KAZN: variants seen among roughly 807,000 people sequenced by gnomAD.
KAZN encodes the protein kazrin, periplakin interacting protein.
In KAZN, 40 loss-of-function variants were observed where a neutral mutation model predicts 87.4. The observed-to-expected ratio is 0.46, with a 90% CI of 0.36 to 0.60. The LOEUF is 0.60. Ranked by LOEUF, KAZN falls within the 20% of genes least tolerant of loss-of-function variation. KAZN has a pLI of 0.00. For synonymous variants in KAZN, 466 were observed against 458.3 expected (o/e 1.02, Z -0.22); for missense variants, 898 against 1,073.9 (o/e 0.84, Z 2.29).
intron 1 of KAZN, among the ~76,000 whole-genome samples, chr1:14,039,504 G>A (rs1388830019): frequency 3.9e-5 from 6 of 152,304 alleles, no homozygotes; most frequent in Non-Finnish European, 7.3e-5. Flanking sequence ...CACATGAGTC[G>A]GCAGTGGGCT....
chr1:14,421,803 A>G (rs1021785491), intron 2 of KAZN, among the ~76,000 whole-genome samples: 4 of 152,038 alleles, frequency 2.6e-5, no homozygotes, highest in African/African-American at 9.7e-5. Flanking sequence ...TCACCTTTCA[A>G]AACCCTGACA....
intron 2 of KAZN, among the ~76,000 whole-genome samples, chr1:14,359,426 C>G (rs1178083032): frequency 6.6e-6 from 1 of 152,088 alleles, no homozygotes; most frequent in East Asian, 1.9e-4. Flanking sequence ...AGGCATTTAG[C>G]CCATTTACAT....
rs70997127 is a variant in KAZN at position 14,255,140 on chromosome 1, A to AT, written c.249+74548_249+74549insT. The stretch of plus-strand genomic sequence containing the variant: ...GTCTCAAAAAAAAAAAAAAAAAAAA[A>AT]GAAGAAGAAGAAGAAGAAAGGGGAG... On this transcript the variant is annotated intron_variant, in intron 2 of 16. Coordinates refer to the KAZN transcript ENST00000636203. 3.2e-4 allele frequency among the ~76,000 whole-genome samples: 38 copies of AT among 117,004 alleles called. No homozygotes were observed. In the South Asian group the frequency reaches 4.4e-3, roughly 13 times the overall value. 76.8% of individuals were successfully genotyped at this position (117,004 alleles called of 152,430 possible). A position where few individuals can be genotyped will look rare whatever the true frequency, so the allele number is the denominator to read the frequency against.
intron 1 of KAZN, among the ~76,000 whole-genome samples, chr1:13,987,130 G>A (rs983044255): frequency 2.6e-5 from 4 of 152,148 alleles, no homozygotes; most frequent in African/African-American, 9.7e-5. Flanking sequence ...TATGACAGGA[G>A]AGACTTTTTT....
intron 1 of KAZN, among the ~76,000 whole-genome samples, chr1:13,944,739 T>G (rs59942785): frequency 0.032 from 4,808 of 152,192 alleles, 229 homozygotes; most frequent in African/African-American, 0.11. Context: ...AATGTGTAAT[T>G]AAAAAGCTAC....
chr1:14,963,688 A>C (rs1664142240), intron 2 of KAZN, among the ~76,000 whole-genome samples: 1 of 152,242 alleles, frequency 6.6e-6, no homozygotes, highest in Non-Finnish European at 1.5e-5. Flanking sequence ...GGTTTGTTGC[A>C]TAGGTATATG....
At chr1:15,085,485 G>T (rs962985572) in intron 8 of KAZN, among the ~76,000 whole-genome samples, 1 of 152,072 alleles carries the variant, frequency 6.6e-6, no homozygotes, top group Non-Finnish European at 1.5e-5. Flanking sequence ...CTGCCACCAC[G>T]CCCAGCTAAT....
At chr1:15,064,850 C>G (rs1639095412) in intron 7 of KAZN, among the ~76,000 whole-genome samples, 1 of 152,204 alleles carries the variant, frequency 6.6e-6, no homozygotes, top group Non-Finnish European at 1.5e-5. Flanking sequence ...GCATCGTGGA[C>G]ATGACCACAG....
intron 1 of KAZN, among the ~76,000 whole-genome samples, chr1:14,814,493 C>T (rs1054468249): frequency 3.9e-5 from 6 of 152,314 alleles, no homozygotes; most frequent in Admixed American, 2.6e-4. Context: ...GGATTGCAGG[C>T]GTGAGCCACT....
intron 2 of KAZN, among the ~76,000 whole-genome samples, chr1:14,972,556 C>T (rs1387054631): frequency 6.6e-6 from 1 of 151,472 alleles, no homozygotes; most frequent in African/African-American, 2.4e-5. Context: ...ACTCTTGTCG[C>T]CTAGGCTAGA....
chr1:15,087,736 A>G (rs1170751638), intron 8 of KAZN, among the ~76,000 whole-genome samples: 1 of 152,222 alleles, frequency 6.6e-6, no homozygotes, highest in African/African-American at 2.4e-5. Flanking sequence ...TTCTGTAGGC[A>G]CATGTGGCTT....
At chr1:14,915,476 G>A (rs1657706493) in intron 1 of KAZN, among the ~76,000 whole-genome samples, 1 of 152,142 alleles carries the variant, frequency 6.6e-6, no homozygotes, top group African/African-American at 2.4e-5. Flanking sequence ...GGTGAACATA[G>A]TGTCACGATT....
At chr1:14,638,350 C>A (rs1419010370) in intron 1 of KAZN, among the ~76,000 whole-genome samples, 1 of 152,194 alleles carries the variant, frequency 6.6e-6, no homozygotes, top group East Asian at 1.9e-4. Context: ...GGGCGGATCA[C>A]CTGAGGTCAG....
intron 2 of KAZN, among the ~76,000 whole-genome samples, chr1:14,507,434 T>C (rs577314617): frequency 2.0e-3 from 297 of 152,236 alleles, no homozygotes; most frequent in African/African-American, 6.7e-3. Flanking sequence ...AACATAAACA[T>C]TAGTTTCTAT....
intron 2 of KAZN, among the ~76,000 whole-genome samples, chr1:14,468,002 T>G (rs2148363482): frequency 6.6e-6 from 1 of 152,292 alleles, no homozygotes; most frequent in South Asian, 2.1e-4. Context: ...TTGGCTTAGC[T>G]TCTTCTGACC....
intron 1 of KAZN, among the ~76,000 whole-genome samples, chr1:14,655,205 C>T (rs1638710039): frequency 6.6e-6 from 1 of 152,152 alleles, no homozygotes; most frequent in African/African-American, 2.4e-5. Flanking sequence ...CTCCAACCCC[C>T]TTCCTCTATC....
intron 2 of KAZN, among the ~76,000 whole-genome samples, chr1:14,183,383 C>A (rs1646239224): frequency 6.6e-6 from 1 of 152,128 alleles, no homozygotes; most frequent in African/African-American, 2.4e-5. Context: ...GGTGTTCGTC[C>A]CCTAAACGTT....
intron 2 of KAZN, among the ~76,000 whole-genome samples, chr1:14,266,429 A>G (rs909004098): frequency 6.6e-6 from 1 of 152,226 alleles, no homozygotes; most frequent in Non-Finnish European, 1.5e-5. Flanking sequence ...AACTAATTTT[A>G]CCACACGCTA....
chr1:14,240,340 CAG>C (rs1648828417), intron 2 of KAZN, among the ~76,000 whole-genome samples: 2 of 152,210 alleles, frequency 1.3e-5, no homozygotes, highest in Admixed American at 6.5e-5. Context: ...TGTGCCTAGA[CAG>C]GGGAGCCCAC....
Sources: allele counts gnomAD v4.1 joint callset (sites outside exome capture counted in the v4.1 genomes callset), GRCh38; gene constraint gnomAD v4.1.1; transcripts MANE v1.5; gene names NCBI Gene and HGNC (gene_info 2026-07-23, HGNC 2026-07-21).